MYLK: variants seen among roughly 807,000 people sequenced by gnomAD.
The protein encoded by MYLK is myosin light chain kinase, also known as myosin light chain kinase, smooth muscle.
Under a neutral mutation model 203.4 loss-of-function variants are expected in MYLK, and 106 were observed. That is an observed-to-expected ratio of 0.52 (90% CI 0.45 to 0.61). MYLK has a LOEUF of 0.61. Among genes scored for constraint, MYLK ranks in the 20% least tolerant of loss-of-function variants. MYLK has a pLI of 0.00. For missense variants in MYLK, 2,072 were observed against 2,442.3 expected (o/e 0.85, Z 3.20); for synonymous variants, 867 against 959.5 (o/e 0.90, Z 1.78).
Position 123,614,032 on chromosome 3 carries a change from T to TG in MYLK, c.*72_*73insC. The stretch of plus-strand genomic sequence containing the variant: ...TAGGTGCTTTTACTATCTTGAGTTT[T>TG]TTTTTTTTTTTTGAGTTTTAGAGAA... On this transcript the variant is annotated 3_prime_UTR_variant, in exon 34 of 34. Coordinates refer to ENST00000360304, the MANE Select transcript of MYLK (RefSeq NM_053025.4). 6.5e-7 allele frequency: 1 copy of TG among 1,547,892 alleles called. No individual in the cohort carries two copies.
At chr3:123,767,982 G>C (rs927935210) in intron 4 of MYLK, among the ~76,000 whole-genome samples, 40 of 152,158 alleles carry the variant, frequency 2.6e-4, no homozygotes, top group African/African-American at 8.9e-4. Context: ...TCACCACTTG[G>C]CTTCTGAAGG....
intron 3 of MYLK, 39 bp downstream of exon 3, chr3:123,831,509 G>A: frequency 9.4e-7 from 1 of 1,068,614 alleles, no homozygotes; most frequent in South Asian, 1.4e-5. Context: ...GGACTGAGGA[G>A]GAATGGTCAA....
At chr3:123,635,421 G>C (rs9850230) in intron 29 of MYLK, among the ~76,000 whole-genome samples, 5,309 of 152,352 alleles carry the variant, frequency 0.035, 317 homozygotes, top group African/African-American at 0.12. Context: ...AGAGAGCCAG[G>C]CTGGAAAAGC....
Position 123,613,995 on chromosome 3 carries a change from A to G in MYLK, c.*110T>C. ...TCAACCCACAAATGACCTAACCGAT[A>G]ATCTATCACACTAGGTGCTTTTACT... On this transcript the variant is annotated 3_prime_UTR_variant, in exon 34 of 34. Coordinates refer to ENST00000360304, the MANE Select transcript of MYLK (RefSeq NM_053025.4). 7.4e-7 allele frequency: 1 copy of G among 1,359,836 alleles called. No individual in the cohort carries two copies. Among genetic ancestry groups the G allele is most frequent in the Non-Finnish European group, 1.0e-6 (1 of 975,418 alleles). The allele number at this position is 1,359,836 out of a possible 1,614,324, so 84.2% of individuals were successfully genotyped here.
chr3:123,879,674 G>C (rs922329578), intron 1 of MYLK, among the ~76,000 whole-genome samples: 1 of 151,990 alleles, frequency 6.6e-6, no homozygotes, highest in African/African-American at 2.4e-5. Context: ...TCACACTGTC[G>C]CCTGGGCTGG....
chr3:123,647,857 A>G (rs920499792), intron 26 of MYLK, among the ~76,000 whole-genome samples: 2 of 152,100 alleles, frequency 1.3e-5, no homozygotes, highest in African/African-American at 4.8e-5. Flanking sequence ...TGGCCTTTGA[A>G]GCACATTTCT....
At chr3:123,641,389 T>C (rs1254768707) in intron 27 of MYLK, among the ~76,000 whole-genome samples, 1 of 152,216 alleles carries the variant, frequency 6.6e-6, no homozygotes, top group Non-Finnish European at 1.5e-5. Context: ...CTCTGGTAAC[T>C]TATGCAGCAC....
chr3:123,846,345 A>G (rs1026766909), intron 2 of MYLK, among the ~76,000 whole-genome samples: 4 of 152,320 alleles, frequency 2.6e-5, no homozygotes, highest in African/African-American at 9.6e-5. Flanking sequence ...GCATATAAAC[A>G]CTATTCTTTT....
chr3:123,839,491 C>A (rs2066544377), intron 2 of MYLK, among the ~76,000 whole-genome samples: 1 of 152,096 alleles, frequency 6.6e-6, no homozygotes, highest in Non-Finnish European at 1.5e-5. Flanking sequence ...ATAAAAGGAT[C>A]AATTCACTAA....
chr3:123,700,090 T>G lies in MYLK; in HGVS notation c.3378A>C (p.Pro1126=), dbSNP rs1175135695. The G allele has an allele frequency of 1.2e-6, 2 of 1,613,804 alleles. No individual in the cohort carries two copies. The highest frequency in any genetic ancestry group is 1.7e-6 in the Non-Finnish European group (2 of 1,179,960). The change falls in exon 18 of 34, where the codon CCA becomes CCC. Residue 1126 remains proline, a synonymous_variant. Transcript: ENST00000360304. Reference sequence around the variant, plus strand: ...CGTTCAGCGTCCAGATGATGGTGGCTGGGGGGTCAGAAGACACCTGGCACT... The same window carrying G: ...CGTTCAGCGTCCAGATGATGGTGGCGGGGGGGTCAGAAGACACCTGGCACT... ...LLQCQVSSDP[P]ATIIWTLNGK...
chr3:123,734,999 C>CATTAAAAAA, intron 9 of MYLK: 1 of 327,920 alleles, frequency 3.0e-6, no homozygotes, highest in Non-Finnish European at 6.0e-6. Context: ...CCCACCCCTG[C>CATTAAAAAA]ACATCCAGCA....
chr3:123,645,120 A>G (rs541190030), intron 27 of MYLK, among the ~76,000 whole-genome samples: 14 of 152,330 alleles, frequency 9.2e-5, no homozygotes, highest in African/African-American at 3.1e-4. Flanking sequence ...ACTACTAACA[A>G]TAACTCCCCA....
At chr3:123,800,777 C>A (rs1327813871) in intron 3 of MYLK, among the ~76,000 whole-genome samples, 1 of 152,168 alleles carries the variant, frequency 6.6e-6, no homozygotes, top group Non-Finnish European at 1.5e-5. Flanking sequence ...ATATCTGATT[C>A]TTGAAGAGCT....
At chr3:123,620,453 G>C in intron 31 of MYLK, 117 bp from the exon 32 acceptor site, 2 of 1,589,890 alleles carry the variant, frequency 1.3e-6, no homozygotes, top group Admixed American at 3.4e-5. Flanking sequence ...CCTGGAACAA[G>C]GACCTCCTGA....
intron 1 of MYLK, 145 bp from the exon 2 acceptor site, chr3:123,876,762 T>C (rs1181564456): frequency 6.6e-6 from 1 of 152,132 alleles, no homozygotes; most frequent in Non-Finnish European, 1.5e-5. Context: ...TGGGGAGCCA[T>C]AGATTATTTT....
chr3:123,851,439 C>T (rs986467542), intron 2 of MYLK, among the ~76,000 whole-genome samples: 1 of 152,166 alleles, frequency 6.6e-6, no homozygotes, highest in African/African-American at 2.4e-5. Flanking sequence ...GTTTGTAGTT[C>T]TCCTTGAAGA....
At chr3:123,730,250 C>A (rs1028036469) in intron 11 of MYLK, among the ~76,000 whole-genome samples, 1 of 152,086 alleles carries the variant, frequency 6.6e-6, no homozygotes, top group East Asian at 1.9e-4. Flanking sequence ...AGAAACCAAG[C>A]AAGCAAGCAA....
chr3:123,744,710 G>C (rs575304641), intron 5 of MYLK, among the ~76,000 whole-genome samples: 2 of 152,090 alleles, frequency 1.3e-5, no homozygotes, highest in African/African-American at 4.8e-5. Flanking sequence ...ATAATAACAA[G>C]AGACTATAGA....
At chr3:123,806,079 T>C (rs1247599256) in intron 3 of MYLK, among the ~76,000 whole-genome samples, 2 of 112,782 alleles carry the variant, frequency 1.8e-5, no homozygotes, top group South Asian at 2.6e-4. Flanking sequence ...TTCATGCTTT[T>C]ATTTTTATTT....
Sources: allele counts gnomAD v4.1 joint callset (sites outside exome capture counted in the v4.1 genomes callset), GRCh38; gene constraint gnomAD v4.1.1; transcripts MANE v1.5; gene names NCBI Gene and HGNC (gene_info 2026-07-23, HGNC 2026-07-21).